The following HMGB1 variants were observed in gnomAD, a reference collection of about 807,000 sequenced individuals.
The protein encoded by HMGB1 is high mobility group box 1, also known as high mobility group protein B1.
For synonymous variants in HMGB1, 81 were observed against 84.0 expected (o/e 0.96, Z 0.19); for missense variants, 79 against 253.5 (o/e 0.31, Z 4.67).
chr13:30,598,612 G>A (rs886500735), intron 1 of HMGB1, among the ~76,000 whole-genome samples: 1 of 152,180 alleles, frequency 6.6e-6, no homozygotes, highest in Non-Finnish European at 1.5e-5. Context: ...TATAGGAAGT[G>A]AGCTATAGCT....
chr13:30,505,626 T>C (rs1020846138), intron 1 of HMGB1, among the ~76,000 whole-genome samples: 1 of 150,874 alleles, frequency 6.6e-6, no homozygotes, highest in African/African-American at 2.5e-5. Flanking sequence ...TTCAACTTCT[T>C]ATTATGGAAA....
chr13:30,507,211 TC>T (rs1887889707), intron 1 of HMGB1, among the ~76,000 whole-genome samples: 1 of 152,176 alleles, frequency 6.6e-6, no homozygotes, highest in Admixed American at 6.5e-5. Flanking sequence ...TGCCTGGAAT[TC>T]CAACTCCCAA....
intron 1 of HMGB1, among the ~76,000 whole-genome samples, chr13:30,524,700 A>AAATAATAATAAT (rs71093076): frequency 7.2e-5 from 1 of 13,884 alleles, no homozygotes; most frequent in Admixed American, 1.4e-3. Context: ...AAAATAAAAT[A>AAATAATAATAAT]AATAATAATA....
chr13:30,554,382 AAGG>A (rs1593308891), intron 1 of HMGB1: 2 of 839,600 alleles, frequency 2.4e-6, no homozygotes, highest in African/African-American at 1.7e-5. Flanking sequence ...TTGATGGGAA[AAGG>A]AGATTATATT....
At chr13:30,524,352 A>AG (rs1319974695) in intron 1 of HMGB1, among the ~76,000 whole-genome samples, 169 of 62,238 alleles carry the variant, frequency 2.7e-3, no homozygotes, top group African/African-American at 9.2e-3. Context: ...AAAAAAAAAA[A>AG]AAAAAGAAAA....
At chr13:30,523,630 C>T (rs547687412) in intron 1 of HMGB1, among the ~76,000 whole-genome samples, 144 of 152,222 alleles carry the variant, frequency 9.5e-4, no homozygotes, top group Middle Eastern at 3.4e-3. Flanking sequence ...GTTGAAAGAA[C>T]CAGTGTCCTT....
chr13:30,538,563 C>CTTTTTCT (rs761089163), intron 1 of HMGB1, among the ~76,000 whole-genome samples: 1 of 75,292 alleles, frequency 1.3e-5, no homozygotes, highest in South Asian at 3.6e-4. Context: ...CTTTTTCTTT[C>CTTTTTCT]TTCTTTTTCT....
At chr13:30,519,933 G>T (rs956401527) in intron 1 of HMGB1, among the ~76,000 whole-genome samples, 1 of 152,130 alleles carries the variant, frequency 6.6e-6, no homozygotes, top group Non-Finnish European at 1.5e-5. Context: ...TTTTGAAATT[G>T]CTCTTTTAGA....
intron 1 of HMGB1, among the ~76,000 whole-genome samples, chr13:30,607,400 C>T (rs1266549208): frequency 3.3e-5 from 5 of 151,026 alleles, no homozygotes; most frequent in Non-Finnish European, 5.9e-5. Context: ...AAGAGTTCTC[C>T]GATGGTTTAA....
intron 1 of HMGB1, among the ~76,000 whole-genome samples, chr13:30,590,426 C>T (rs1566034287): frequency 6.6e-6 from 1 of 151,984 alleles, no homozygotes; most frequent in Non-Finnish European, 1.5e-5. Flanking sequence ...TCTCAAACTC[C>T]CGGGCTCAAG....
chr13:30,537,435 A>G (rs1868489611), intron 1 of HMGB1, among the ~76,000 whole-genome samples: 2 of 152,028 alleles, frequency 1.3e-5, no homozygotes, highest in Non-Finnish European at 2.9e-5. Context: ...AGTGCTACCA[A>G]GAGCCACTAC....
At chr13:30,475,275 C>T (rs112142494) in intron 1 of HMGB1, among the ~76,000 whole-genome samples, 19,194 of 139,466 alleles carry the variant, frequency 0.14, 1,364 homozygotes, top group South Asian at 0.26. Flanking sequence ...AGTGCAGTGG[C>T]GTGACCTCGG....
chr13:30,544,259 C>A (rs908567790), intron 1 of HMGB1, among the ~76,000 whole-genome samples: 2 of 152,262 alleles, frequency 1.3e-5, no homozygotes, highest in African/African-American at 4.8e-5. Flanking sequence ...CACTGGCCTT[C>A]ATCTCTGTTT....
intron 1 of HMGB1, among the ~76,000 whole-genome samples, chr13:30,484,205 C>G (rs1200073766): frequency 6.6e-6 from 1 of 152,136 alleles, no homozygotes; most frequent in East Asian, 1.9e-4. Context: ...GGCAATGTCT[C>G]CAGGGCCAGG....
rs377479218 is a variant in HMGB1 at position 30,563,821 on chromosome 13, C to T, written c.-15+52850G>A. Among the ~76,000 whole-genome samples the T allele has an allele frequency of 7.2e-5, 11 of 152,282 alleles. No individual in the cohort carries two copies. The East Asian group carries it at 2.1e-3, about 29-fold the overall frequency. On this transcript the variant is annotated intron_variant, in intron 1 of 4. Coordinates refer to the HMGB1 transcript ENST00000405805. ...TAATCAATTGAGGATAAAGATGCCTCATTGCTAATGAAGATGTGGTTTAAG... is the reference window on the plus strand; with the variant it reads ...TAATCAATTGAGGATAAAGATGCCTTATTGCTAATGAAGATGTGGTTTAAG...
At chr13:30,485,674 A>T (rs1259754305) in intron 1 of HMGB1, among the ~76,000 whole-genome samples, 1 of 152,248 alleles carries the variant, frequency 6.6e-6, no homozygotes, top group African/African-American at 2.4e-5. Context: ...GAGCATGAGG[A>T]AGATAAGTCA....
At chr13:30,464,516 G>GA in intron 1 of HMGB1, 1 of 978,368 alleles carries the variant, frequency 1.0e-6, no homozygotes, top group Non-Finnish European at 1.2e-6. Flanking sequence ...CGGCCGAGGA[G>GA]AGAGGACGCG....
intron 1 of HMGB1, among the ~76,000 whole-genome samples, chr13:30,475,409 C>G (rs1887071572): frequency 6.6e-6 from 1 of 151,022 alleles, no homozygotes. Flanking sequence ...ATGGGGGTCT[C>G]TCCATGTTGC....
intron 1 of HMGB1, 151 bp from the exon 2 acceptor site, chr13:30,463,845 G>A (rs1886518510): frequency 3.4e-6 from 2 of 587,518 alleles, no homozygotes; most frequent in Non-Finnish European, 5.7e-6. Context: ...ATATGGCCGA[G>A]AGATTAAATT....
Sources: allele counts gnomAD v4.1 joint callset (sites outside exome capture counted in the v4.1 genomes callset), GRCh38; gene constraint gnomAD v4.1.1; transcripts MANE v1.5; gene names NCBI Gene and HGNC (gene_info 2026-07-23, HGNC 2026-07-21).